The following AUTS2 variants were observed in gnomAD, a reference collection of about 807,000 sequenced individuals.
AUTS2 encodes autism susceptibility gene 2 protein.
AUTS2 carries 17 observed loss-of-function variants against 112.4 expected under a neutral mutation model. That is an observed-to-expected ratio of 0.15 (90% CI 0.10 to 0.23). The LOEUF (loss-of-function observed/expected upper bound fraction) is 0.23, where lower values mean the gene tolerates loss of function less well. Ranked by LOEUF, AUTS2 falls within the 10% of genes least tolerant of loss-of-function variation. AUTS2 has a pLI of 1.00. For missense variants in AUTS2, 1,510 were observed against 1,701.6 expected, an observed-to-expected ratio of 0.89 and a Z score of 1.98; for synonymous variants, 751 against 702.7, an observed-to-expected ratio of 1.07 and a Z score of -1.09.
intron 3 of AUTS2, chr7:70,118,540 A>C (rs1805509514): frequency 5.4e-6 from 1 of 184,144 alleles, no homozygotes; most frequent in African/African-American, 2.3e-5. Context: ...GCACTTTGGG[A>C]GGCTAAAGCA....
intron 5 of AUTS2, among the ~76,000 whole-genome samples, chr7:70,549,698 A>T (rs1350721723): frequency 6.6e-6 from 1 of 152,200 alleles, no homozygotes; most frequent in African/African-American, 2.4e-5. Flanking sequence ...TCTCTTAAAA[A>T]ATTTTTTAAA....
intron 1 of AUTS2, among the ~76,000 whole-genome samples, chr7:69,717,865 G>A (rs1006742414): frequency 2.0e-5 from 3 of 152,044 alleles, no homozygotes; most frequent in Non-Finnish European, 4.4e-5. Context: ...TTCATCCACC[G>A]TTTTACTCAT....
intron 4 of AUTS2, among the ~76,000 whole-genome samples, chr7:70,391,647 G>A (rs1793863354): frequency 6.6e-6 from 1 of 151,924 alleles, no homozygotes; most frequent in Admixed American, 6.6e-5. Flanking sequence ...ACATTTGCCT[G>A]GCAGAGTGTT....
intron 3 of AUTS2, among the ~76,000 whole-genome samples, chr7:70,128,875 G>A (rs1806116794): frequency 6.6e-6 from 1 of 152,164 alleles, no homozygotes; most frequent in Admixed American, 6.5e-5. Flanking sequence ...GTGCCTCCCA[G>A]TGATCCTTGG....
chr7:69,647,446 G>A (rs986336581), intron 1 of AUTS2, among the ~76,000 whole-genome samples: 33 of 151,896 alleles, frequency 2.2e-4, no homozygotes, highest in Non-Finnish European at 1.5e-5. Flanking sequence ...AACTTCCCAG[G>A]GTTGAGTGAT....
chr7:70,143,480 A>C (rs1806968137), intron 4 of AUTS2, among the ~76,000 whole-genome samples: 1 of 152,182 alleles, frequency 6.6e-6, no homozygotes, highest in South Asian at 2.1e-4. Flanking sequence ...TGGCATTATA[A>C]ATCACTGTTA....
intron 5 of AUTS2, among the ~76,000 whole-genome samples, chr7:70,536,010 T>A (rs951006554): frequency 5.3e-5 from 8 of 151,906 alleles, no homozygotes; most frequent in African/African-American, 1.7e-4. Context: ...ATTAAAGGAG[T>A]CATAACTCTT....
At chr7:70,117,621 C>A (rs1050077667) in intron 2 of AUTS2, among the ~76,000 whole-genome samples, 1 of 152,140 alleles carries the variant, frequency 6.6e-6, no homozygotes, top group Admixed American at 6.5e-5. Flanking sequence ...CCACTCTGTT[C>A]TCTACATTGA....
Position 70,791,153 on chromosome 7 carries a change from A to ATGTT in AUTS2, c.*159_*162dup, listed in dbSNP as rs905969301. 733 of 672,306 alleles carry ATGTT rather than the reference A, an allele frequency of 1.1e-3. 3 individuals are homozygous for ATGTT. Among genetic ancestry groups the ATGTT allele is most frequent in the Non-Finnish European group, 1.3e-3 (624 of 467,496 alleles). The allele number at this position is 672,306 out of a possible 1,614,324, so 41.6% of individuals were successfully genotyped here. Reference sequence around the variant, plus strand: ...GTATAGACTCAGTGCACATTTTGAAATGTTTTGTATATTATATGTTGAGAT... The same window carrying ATGTT: ...GTATAGACTCAGTGCACATTTTGAAATGTTTGTTTTGTATATTATATGTTGAGAT... On this transcript the variant is annotated 3_prime_UTR_variant, in exon 19 of 19. Transcript: ENST00000342771.
At chr7:70,209,496 T>C (rs538620753) in intron 4 of AUTS2, among the ~76,000 whole-genome samples, 22 of 152,238 alleles carry the variant, frequency 1.4e-4, no homozygotes, top group African/African-American at 5.3e-4. Flanking sequence ...TTGAAAGCTA[T>C]GGGGCTGTTT....
At chr7:69,678,185 C>T (rs369494073) in intron 1 of AUTS2, among the ~76,000 whole-genome samples, 5 of 152,072 alleles carry the variant, frequency 3.3e-5, no homozygotes, top group African/African-American at 1.2e-4. Context: ...AAAAACTCGT[C>T]CCCTGCTTGA....
chr7:69,907,784 A>C (rs1457266818), intron 2 of AUTS2, among the ~76,000 whole-genome samples: 1 of 152,234 alleles, frequency 6.6e-6, no homozygotes, highest in East Asian at 1.9e-4. Context: ...TGGAGCCCAG[A>C]GGCAAACAAG....
chr7:70,277,608 A>G (rs1461438155), intron 4 of AUTS2, among the ~76,000 whole-genome samples: 3 of 152,174 alleles, frequency 2.0e-5, no homozygotes, highest in Non-Finnish European at 2.9e-5. Context: ...TGAAGATAGT[A>G]TTACGGGGGG....
intron 5 of AUTS2, among the ~76,000 whole-genome samples, chr7:70,632,861 G>A (rs776886045): frequency 3.2e-4 from 48 of 152,136 alleles, no homozygotes; most frequent in Non-Finnish European, 5.9e-4. Context: ...CTGGTGGCTC[G>A]AAACACCCCT....
chr7:70,295,674 C>T (rs1364477382), intron 4 of AUTS2, among the ~76,000 whole-genome samples: 2 of 152,170 alleles, frequency 1.3e-5, no homozygotes, highest in Non-Finnish European at 2.9e-5. Flanking sequence ...TTTCACTACC[C>T]ATTCATAGGC....
At chr7:70,042,123 T>C (rs941428044) in intron 2 of AUTS2, among the ~76,000 whole-genome samples, 2 of 152,054 alleles carry the variant, frequency 1.3e-5, no homozygotes, top group Non-Finnish European at 2.9e-5. Flanking sequence ...AATGCCTAGA[T>C]AATAAGTTTT....
chr7:69,711,293 C>A (rs1032899773), intron 1 of AUTS2, among the ~76,000 whole-genome samples: 5 of 152,076 alleles, frequency 3.3e-5, no homozygotes, highest in Non-Finnish European at 5.9e-5. Context: ...TGGGTAGGAA[C>A]AGGGCTTCAT....
rs555658980 is a variant in AUTS2, at chr7:69,661,005, G to T, written c.309+61043G>T. On this transcript the variant is annotated intron_variant, in intron 1 of 18. Coordinates refer to ENST00000342771, the MANE Select transcript of AUTS2 (RefSeq NM_015570.4). The stretch of plus-strand genomic sequence containing the variant: ...GCTTCACCATGTCATTGGGAAGTGG[G>T]AACGCTGACAATCAAAGCAGCTAAA... Among the ~76,000 whole-genome samples the T allele has an allele frequency of 4.2e-4, 64 of 152,314 alleles. 3 individuals are homozygous for T. In the South Asian group the frequency reaches 0.012, roughly 29 times the overall value.
At chr7:69,831,545 T>C (rs1285197272) in intron 1 of AUTS2, among the ~76,000 whole-genome samples, 1 of 152,030 alleles carries the variant, frequency 6.6e-6, no homozygotes, top group African/African-American at 2.4e-5. Flanking sequence ...AGGACCCAGG[T>C]TGTCTCTCCT....
Sources: allele counts gnomAD v4.1 joint callset (sites outside exome capture counted in the v4.1 genomes callset), GRCh38; gene constraint gnomAD v4.1.1; transcripts MANE v1.5; gene names NCBI Gene and HGNC (gene_info 2026-07-23, HGNC 2026-07-21).